RBFOX1: variants seen among roughly 807,000 people sequenced by gnomAD.
The protein encoded by RBFOX1 is RNA binding fox-1 homolog 1, also known as RNA binding protein fox-1 homolog 1.
In RBFOX1, 8 loss-of-function variants were observed where a neutral mutation model predicts 57.7. The ratio of observed to expected loss-of-function variants is 0.14; its 90% confidence interval spans 0.08 to 0.25. The LOEUF (loss-of-function observed/expected upper bound fraction) is 0.25. Ranked by LOEUF, RBFOX1 falls within the 10% of genes least tolerant of loss-of-function variation. The pLI is 1.00. For missense variants in RBFOX1, 611 were observed against 548.5 expected (o/e 1.11, Z -1.14); for synonymous variants, 326 against 222.4 (o/e 1.47, Z -4.15).
intron 4 of RBFOX1, chr16:7,422,639 T>C (rs925880864): frequency 2.0e-5 from 3 of 152,354 alleles, no homozygotes; most frequent in Non-Finnish European, 4.4e-5. Flanking sequence ...GGTTTGTGAC[T>C]GCAGCCTAGA....
chr16:5,671,202 A>G (rs1235364041), intron 3 of RBFOX1, among the ~76,000 whole-genome samples: 3 of 152,252 alleles, frequency 2.0e-5, no homozygotes, highest in Non-Finnish European at 4.4e-5. Context: ...GTTTTCTTTG[A>G]AAGTTTCAAT....
intron 1 of RBFOX1, among the ~76,000 whole-genome samples, chr16:5,350,943 G>A (rs994736988): frequency 5.3e-5 from 8 of 152,168 alleles, no homozygotes; most frequent in African/African-American, 1.9e-4. Context: ...GAATGCATGA[G>A]CCCAGCCAAC....
chr16:7,531,717 C>G (rs561949274), intron 5 of RBFOX1, among the ~76,000 whole-genome samples: 142 of 152,262 alleles, frequency 9.3e-4, no homozygotes, highest in African/African-American at 3.3e-3. Flanking sequence ...TGGCAGATTC[C>G]AAAACCCATT....
chr16:6,552,276 T>A (rs572464682), intron 2 of RBFOX1, among the ~76,000 whole-genome samples: 1 of 152,232 alleles, frequency 6.6e-6, no homozygotes, highest in African/African-American at 2.4e-5. Flanking sequence ...CCCTTTTCTT[T>A]AAAAGGAAAG....
chr16:6,821,574 G>T (rs1374120187), intron 3 of RBFOX1, among the ~76,000 whole-genome samples: 3 of 152,056 alleles, frequency 2.0e-5, no homozygotes, highest in African/African-American at 7.3e-5. Context: ...CCAACCGCTG[G>T]TAACCACTGG....
intron 1 of RBFOX1, among the ~76,000 whole-genome samples, chr16:6,083,615 C>T (rs961377982): frequency 6.6e-6 from 1 of 152,062 alleles, no homozygotes; most frequent in Admixed American, 6.6e-5. Context: ...TAGCTTGGAC[C>T]ACAGACGTGC....
intron 2 of RBFOX1, among the ~76,000 whole-genome samples, chr16:6,600,018 T>A (rs1199444912): frequency 1.3e-5 from 2 of 152,146 alleles, no homozygotes; most frequent in Non-Finnish European, 2.9e-5. Flanking sequence ...AAAGCCCAGA[T>A]AACTGCAAAG....
chr16:7,706,002 C>G (rs922198435), intron 14 of RBFOX1, among the ~76,000 whole-genome samples: 2 of 152,148 alleles, frequency 1.3e-5, no homozygotes, highest in Non-Finnish European at 2.9e-5. Context: ...ACCGTAAGAC[C>G]TCTTCCCATC....
At chr16:5,723,969 T>C (rs1452927980) in intron 3 of RBFOX1, among the ~76,000 whole-genome samples, 1 of 152,158 alleles carries the variant, frequency 6.6e-6, no homozygotes, top group Non-Finnish European at 1.5e-5. Flanking sequence ...GAAAAATGTT[T>C]TGGAGTGGTC....
At chr16:5,346,662 G>A (rs2065147027) in intron 1 of RBFOX1, among the ~76,000 whole-genome samples, 1 of 152,182 alleles carries the variant, frequency 6.6e-6, no homozygotes, top group Non-Finnish European at 1.5e-5. Context: ...AGAGTGGAGT[G>A]TGCTGTGGGA....
intron 1 of RBFOX1, among the ~76,000 whole-genome samples, chr16:5,368,657 T>A (rs768879891): frequency 6.6e-6 from 1 of 152,182 alleles, no homozygotes; most frequent in Non-Finnish European, 1.5e-5. Context: ...AATCAAAAGC[T>A]CAAAGGCCAT....
intron 3 of RBFOX1, among the ~76,000 whole-genome samples, chr16:5,802,892 C>T (rs1018826859): frequency 3.9e-5 from 6 of 152,226 alleles, no homozygotes; most frequent in Admixed American, 2.6e-4. Flanking sequence ...GTTATTTCCT[C>T]ACCTCACTGA....
intron 10 of RBFOX1, among the ~76,000 whole-genome samples, chr16:7,626,575 A>C (rs948466888): frequency 2.6e-5 from 4 of 152,204 alleles, no homozygotes; most frequent in Non-Finnish European, 5.9e-5. Flanking sequence ...TGATACAGTC[A>C]TCGACAGTCC....
chr16:6,384,671 C>T (rs2092116656), intron 2 of RBFOX1, among the ~76,000 whole-genome samples: 2 of 152,214 alleles, frequency 1.3e-5, no homozygotes, highest in African/African-American at 2.4e-5. Flanking sequence ...AGAATCTCTT[C>T]TTCCAGGCCT....
At chr16:5,884,597 A>G (rs1292710853) in intron 4 of RBFOX1, among the ~76,000 whole-genome samples, 1 of 152,058 alleles carries the variant, frequency 6.6e-6, no homozygotes, top group Non-Finnish European at 1.5e-5. Flanking sequence ...ACTTTTTCCA[A>G]CGTAGCCATA....
chr16:6,020,846 C>T (rs926885853), intron 1 of RBFOX1, among the ~76,000 whole-genome samples: 1 of 152,138 alleles, frequency 6.6e-6, no homozygotes, highest in Non-Finnish European at 1.5e-5. Flanking sequence ...GCTGCGGGGA[C>T]CAGGTGTCAC....
At chr16:6,404,646 C>T (rs1006399878) in intron 2 of RBFOX1, among the ~76,000 whole-genome samples, 5 of 152,170 alleles carry the variant, frequency 3.3e-5, no homozygotes, top group South Asian at 2.1e-4. Context: ...TTCATGGACG[C>T]ATCATCCCTT....
chr16:5,770,480 C>A (rs1465817339), intron 3 of RBFOX1, among the ~76,000 whole-genome samples: 1 of 152,112 alleles, frequency 6.6e-6, no homozygotes, highest in East Asian at 1.9e-4. Context: ...TCATGAATAA[C>A]CCACCCCTTG....
At chr16:7,024,096 A>C (rs1232496194) in intron 3 of RBFOX1, among the ~76,000 whole-genome samples, 2 of 152,214 alleles carry the variant, frequency 1.3e-5, no homozygotes, top group Admixed American at 1.3e-4. Flanking sequence ...TTGGCTTACT[A>C]AGAATATACT....
Sources: gnomAD v4.1 joint callset for allele counts (sites outside exome capture counted in the v4.1 genomes callset) on GRCh38, gnomAD v4.1.1 for gene constraint, MANE v1.5 for transcripts, NCBI Gene and HGNC (gene_info 2026-07-23, HGNC 2026-07-21) for gene names.